The following NAV3 variants were observed in gnomAD, a reference collection of about 807,000 sequenced individuals.
NAV3 encodes neuron navigator 3.
NAV3 carries 87 observed loss-of-function variants against 244.7 expected under a neutral mutation model. The ratio of observed to expected loss-of-function variants is 0.36; its 90% CI spans 0.30 to 0.42. NAV3 has a LOEUF of 0.42. Among genes scored for constraint, NAV3 ranks in the 20% least tolerant of loss-of-function variants. The pLI is 1.00. For missense variants in NAV3, 2,663 were observed against 2,893.3 expected (o/e 0.92, Z 1.83); for synonymous variants, 1,126 against 1,042.2 (o/e 1.08, Z -1.55).
chr12:78,143,955 A>G (rs936330297), intron 20 of NAV3, among the ~76,000 whole-genome samples: 3 of 152,138 alleles, frequency 2.0e-5, no homozygotes, highest in Non-Finnish European at 4.4e-5. Context: ...CTCATGGGAA[A>G]GAAATACCCT....
At chr12:77,849,764 AAACCTT>A (rs1357254180) in intron 1 of NAV3, among the ~76,000 whole-genome samples, 32 of 152,294 alleles carry the variant, frequency 2.1e-4, no homozygotes, top group Non-Finnish European at 4.4e-5. Flanking sequence ...TCCAAAGTCC[AAACCTT>A]AATAATTTTG....
At chr12:77,982,092 T>G (rs1318355624) in intron 5 of NAV3, among the ~76,000 whole-genome samples, 3 of 152,230 alleles carry the variant, frequency 2.0e-5, no homozygotes, top group Non-Finnish European at 4.4e-5. Flanking sequence ...TTGATAAATA[T>G]AGTTTATTCA....
intron 2 of NAV3, among the ~76,000 whole-genome samples, chr12:77,623,943 A>T (rs1871498671): frequency 1.3e-5 from 2 of 152,152 alleles, no homozygotes; most frequent in African/African-American, 4.8e-5. Context: ...CTGTATCTAA[A>T]CTCATCCATT....
At chr12:78,095,075 A>ATG (rs1566123706) in intron 12 of NAV3, among the ~76,000 whole-genome samples, 6 of 146,938 alleles carry the variant, frequency 4.1e-5, no homozygotes, top group Admixed American at 6.9e-5. Flanking sequence ...ACACACACAC[A>ATG]CACACACACA....
intron 1 of NAV3, among the ~76,000 whole-genome samples, chr12:77,896,396 A>G (rs1377790542): frequency 1.3e-5 from 2 of 152,200 alleles, no homozygotes; most frequent in African/African-American, 4.8e-5. Flanking sequence ...AATTCACAGT[A>G]TTATATCTCA....
intron 1 of NAV3, among the ~76,000 whole-genome samples, chr12:77,879,685 C>CAAAAAAAAAAAA (rs72076222): frequency 1.2e-4 from 10 of 85,062 alleles, no homozygotes; most frequent in East Asian, 7.3e-4. Context: ...AACTCCATCT[C>CAAAAAAAAAAAA]AAAAAAAAAA....
chr12:77,582,357 C>A (rs1869403457), intron 2 of NAV3, among the ~76,000 whole-genome samples: 1 of 152,104 alleles, frequency 6.6e-6, no homozygotes, highest in Non-Finnish European at 1.5e-5. Flanking sequence ...GAGCTACTCC[C>A]CAAATGACTT....
chr12:78,127,850 T>TCA (rs3054750), intron 17 of NAV3, among the ~76,000 whole-genome samples: 1 of 150,804 alleles, frequency 6.6e-6, no homozygotes, highest in African/African-American at 2.5e-5. Context: ...TAATCTAATA[T>TCA]TTAATAATCT....
At chr12:78,003,334 T>C (rs1487857558) in intron 7 of NAV3, among the ~76,000 whole-genome samples, 1 of 152,186 alleles carries the variant, frequency 6.6e-6, no homozygotes, top group East Asian at 1.9e-4. Context: ...CCACATTGTT[T>C]AATCATTTTC....
chr12:77,602,181 T>C (rs1870464040), intron 2 of NAV3, among the ~76,000 whole-genome samples: 1 of 151,980 alleles, frequency 6.6e-6, no homozygotes, highest in Non-Finnish European at 1.5e-5. Flanking sequence ...CATAGCCATT[T>C]CTAGGAGTAG....
At chr12:77,841,123 C>T (rs1875564059) in intron 1 of NAV3, among the ~76,000 whole-genome samples, 1 of 152,102 alleles carries the variant, frequency 6.6e-6, no homozygotes, top group South Asian at 2.1e-4. Flanking sequence ...TAATTGGTTA[C>T]ATGGAGGACC....
chr12:77,906,504 C>G (rs1885991547), intron 1 of NAV3, among the ~76,000 whole-genome samples: 1 of 146,758 alleles, frequency 6.8e-6, no homozygotes, highest in Non-Finnish European at 1.5e-5. Flanking sequence ...TTGAGACAAT[C>G]ATTAATACTG....
intron 3 of NAV3, among the ~76,000 whole-genome samples, chr12:77,965,647 A>G (rs1445211336): frequency 6.6e-6 from 1 of 152,138 alleles, no homozygotes. Flanking sequence ...AAACAAACAA[A>G]AAGTGCCTTG....
intron 1 of NAV3, among the ~76,000 whole-genome samples, chr12:77,883,501 A>G (rs1565887589): frequency 6.6e-6 from 1 of 152,134 alleles, no homozygotes; most frequent in East Asian, 1.9e-4. Flanking sequence ...TATGCTCACT[A>G]CATGAGTGAT....
At chr12:78,067,888 T>C (rs1885208856) in intron 12 of NAV3, among the ~76,000 whole-genome samples, 1 of 152,084 alleles carries the variant, frequency 6.6e-6, no homozygotes, top group Non-Finnish European at 1.5e-5. Flanking sequence ...ATTTTTATCT[T>C]ATCTGCTTAT....
At chr12:77,578,403 GT>G (rs1869196099) in intron 2 of NAV3, among the ~76,000 whole-genome samples, 1 of 152,164 alleles carries the variant, frequency 6.6e-6, no homozygotes, top group African/African-American at 2.4e-5. Flanking sequence ...GTTCAATGAA[GT>G]GGCCTTTAGT....
At chr12:78,104,334 C>T (rs1954692645) in intron 12 of NAV3, among the ~76,000 whole-genome samples, 1 of 152,162 alleles carries the variant, frequency 6.6e-6, no homozygotes, top group Non-Finnish European at 1.5e-5. Flanking sequence ...AAATTACCTA[C>T]AAATGGCATT....
chr12:78,110,549 A>G (rs148383997), intron 12 of NAV3, among the ~76,000 whole-genome samples: 15 of 152,142 alleles, frequency 9.9e-5, no homozygotes, highest in African/African-American at 2.9e-4. Flanking sequence ...ACAAAATTGA[A>G]CATGGATTTT....
At chr12:77,865,472 T>C (rs547806726) in intron 1 of NAV3, among the ~76,000 whole-genome samples, 1 of 152,208 alleles carries the variant, frequency 6.6e-6, no homozygotes, top group Admixed American at 6.5e-5. Context: ...TCTTTTAAAC[T>C]ATAGCTGTCT....
Sources: gnomAD v4.1 joint callset for allele counts (sites outside exome capture counted in the v4.1 genomes callset) on GRCh38, gnomAD v4.1.1 for gene constraint, MANE v1.5 for transcripts, NCBI Gene and HGNC (gene_info 2026-07-23, HGNC 2026-07-21) for gene names.